KDM1B: variants seen among roughly 807,000 people sequenced by gnomAD.
KDM1B encodes the protein lysine-specific histone demethylase 2.
A neutral mutation model predicts 107.4 loss-of-function variants in KDM1B; 63 were observed. The ratio of observed to expected loss-of-function variants is 0.59; its 90% CI spans 0.48 to 0.72. The LOEUF (loss-of-function observed/expected upper bound fraction) is 0.72. Ranked by LOEUF, KDM1B falls within the 30% of genes least tolerant of loss-of-function variation. KDM1B has a pLI of 0.00. For synonymous variants in KDM1B, 363 were observed against 363.9 expected, an observed-to-expected ratio of 1.00 and a Z score of 0.03; for missense variants, 749 against 1,020.8, an observed-to-expected ratio of 0.73 and a Z score of 3.63.
intron 10 of KDM1B, among the ~76,000 whole-genome samples, chr6:18,195,188 T>C (rs1787560574): frequency 6.6e-6 from 1 of 152,246 alleles, no homozygotes; most frequent in African/African-American, 2.4e-5. Context: ...ATTCGTCCAC[T>C]GATGGGCTTT....
At position 18,212,426 on chromosome 6, in the gene KDM1B, G is replaced by C; in HGVS notation, c.1867-62G>C. 1 of 951,618 alleles carries C rather than the reference G, an allele frequency of 1.1e-6. No homozygotes were observed. The highest frequency in any genetic ancestry group is 1.7e-5 in the Admixed American group (1 of 59,208). 58.9% of individuals were successfully genotyped at this position (951,618 alleles called of 1,614,324 possible). ...ATAACAGCATGGGTTGTTGATACCA[G>C]TGTAGTGGTAGTGTGAGGTTCTGTT... On this transcript the variant is annotated intron_variant, in intron 17 of 21. Transcript: ENST00000650836. The surrounding 1 kb of genome is among the most constrained non-coding windows in gnomAD (Gnocchi z 5.2).
rs368806971 is a variant in KDM1B, at chr6:18,192,910, C to T, written c.969+1529C>T. On this transcript the variant is annotated intron_variant, in intron 10 of 21. Transcript: ENST00000650836. ...ATAAGATACAATTTATTGTGTATACCGGCTGGGCGCGGTGGCTCACGCCTG... is the reference window on the plus strand; with the variant it reads ...ATAAGATACAATTTATTGTGTATACTGGCTGGGCGCGGTGGCTCACGCCTG... Among the ~76,000 whole-genome samples the T allele has an allele frequency of 5.3e-5, 8 of 151,630 alleles. No individual in the cohort carries two copies. In the East Asian group the frequency reaches 7.7e-4, roughly 15 times the overall value.
At position 18,179,836 on chromosome 6, in the gene KDM1B, A is replaced by ACTAGATATTTTTTCTTT. The variant is rs369714077; in HGVS notation, c.535-5936_535-5935insCTAGATATTTTTTCTTT. 2.2e-4 allele frequency among the ~76,000 whole-genome samples: 18 copies of ACTAGATATTTTTTCTTT among 83,522 alleles called. 8 individuals are homozygous for ACTAGATATTTTTTCTTT. The highest frequency in any genetic ancestry group is 4.4e-4 in the Admixed American group (3 of 6,784). 54.8% of individuals were successfully genotyped at this position (83,522 alleles called of 152,430 possible). On this transcript the variant is annotated intron_variant, in intron 7 of 21. Transcript: ENST00000650836. ...CTATTCCAAAATCTTTCAATTTAGC[A>ACTAGATATTTTTTCTTT]TTGGTTTTTTTTCCTTTTTTTTTTT...
chr6:18,187,972 G>A lies in KDM1B; in HGVS notation c.754G>A (p.Glu252Lys), dbSNP rs1786988956. Residue 252 changes from glutamate (E) to lysine (K), a missense_variant, in exon 9 of 22, where the codon GAG becomes AAG. Glu to Lys is a moderately conservative substitution (Grantham distance 56). Coordinates refer to ENST00000650836, the MANE Select transcript of KDM1B (RefSeq NM_001364614.2). ...ATGNASPGKL[E>K]HSKAALSVHV... is the part of the protein sequence containing the mutation. ...TGGCAATGCCAGCCCTGGGAAGCTG[G>A]AGCACTCCAAGGCTGCCCTCTCCGT... The A allele has an allele frequency of 6.5e-7, 1 of 1,550,366 alleles. No homozygotes were observed. Among genetic ancestry groups the A allele is most frequent in the Non-Finnish European group, 8.7e-7 (1 of 1,147,000 alleles).
chr6:18,221,307 A>C (rs1789715606), intron 21 of KDM1B, among the ~76,000 whole-genome samples: 1 of 151,944 alleles, frequency 6.6e-6, no homozygotes, highest in South Asian at 2.1e-4. Context: ...ATAATTACTT[A>C]ATCACTAATT....
intron 17 of KDM1B, 21 bp downstream of exon 17, chr6:18,208,227 A>C (rs1561948982): frequency 6.4e-7 from 1 of 1,571,672 alleles, no homozygotes; most frequent in East Asian, 2.3e-5. Context: ...GGGCAGTACA[A>C]GGGTGGGTAG....
chr6:18,221,025 G>A (rs182402118), intron 21 of KDM1B, among the ~76,000 whole-genome samples: 36 of 151,552 alleles, frequency 2.4e-4, no homozygotes, highest in Admixed American at 9.2e-4. Context: ...GATTACATGC[G>A]TGAGCCACCG....
In KDM1B at chr6:18,182,290, AT is replaced by A. The variant is rs376482455; in HGVS notation, c.535-3480del. ...CATCTTATTGTTCCAGTATGAATCG[AT>A]TACTCTCCACAACCTGAACTTTTGA... On this transcript the variant is annotated intron_variant, in intron 7 of 21. Transcript: ENST00000650836. 2.5e-3 allele frequency among the ~76,000 whole-genome samples: 377 copies of A among 152,196 alleles called. 1 individual carries two copies. The highest frequency in any genetic ancestry group is 8.8e-3 in the African/African-American group (366 of 41,512).
chr6:18,157,801 G>C (rs1268754987), intron 2 of KDM1B, among the ~76,000 whole-genome samples: 1 of 142,812 alleles, frequency 7.0e-6, no homozygotes, highest in African/African-American at 2.6e-5. Context: ...ATTATAGGTA[G>C]ATAGTCCTTT....
In KDM1B at chr6:18,155,484, G is replaced by C. The variant is rs1784523971; in HGVS notation, c.-145G>C. The C allele has an allele frequency of 6.4e-6, 1 of 155,352 alleles. No individual in the cohort carries two copies. Among genetic ancestry groups the C allele is most frequent in the Non-Finnish European group, 1.4e-5 (1 of 70,296 alleles). The allele number at this position is 155,352 out of a possible 1,614,324, so 9.6% of individuals were successfully genotyped here. ...AGAAGAGGCTGGGGCTCGCGGCGCG[G>C]CTGCAGCCGTCCTGTGCGCGCGGCG... On this transcript the variant is annotated 5_prime_UTR_variant, in exon 1 of 22. Coordinates refer to ENST00000650836, the MANE Select transcript of KDM1B (RefSeq NM_001364614.2). The surrounding 1 kb of genome is among the most constrained non-coding windows in gnomAD (Gnocchi z 6.2).
chr6:18,179,181 C>G (rs1475375604), intron 7 of KDM1B, among the ~76,000 whole-genome samples: 1 of 152,148 alleles, frequency 6.6e-6, no homozygotes, highest in Non-Finnish European at 1.5e-5. Context: ...CTTCTTTAAT[C>G]AGCAAATGTA....
chr6:18,197,014 G>T lies in KDM1B; in HGVS notation c.970-43G>T. On this transcript the variant is annotated intron_variant, in intron 10 of 21. Transcript: ENST00000650836. This position sits in a 1 kb window ranked among gnomAD's most constrained non-coding sequence, Gnocchi z 4.5. Reference sequence around the variant, plus strand: ...TTCCTGCTATTGTTTGAATTTCTTGGGACTTTTTTAAAAAAGCAGTTTGGT... The same window carrying T: ...TTCCTGCTATTGTTTGAATTTCTTGTGACTTTTTTAAAAAAGCAGTTTGGT... The T allele has an allele frequency of 2.0e-6, 3 of 1,524,914 alleles. No individual in the cohort carries two copies. The highest frequency in any genetic ancestry group is 2.7e-6 in the Non-Finnish European group (3 of 1,114,228). The allele number at this position is 1,524,914 out of a possible 1,614,324, so 94.5% of individuals were successfully genotyped here. A position where few individuals can be genotyped will look rare whatever the true frequency, so the allele number is the denominator to read the frequency against.
chr6:18,210,369 T>TTTTTTTTTTTTG (rs1788776457), intron 17 of KDM1B, among the ~76,000 whole-genome samples: 1 of 103,148 alleles, frequency 9.7e-6, no homozygotes, highest in Non-Finnish European at 2.1e-5. Flanking sequence ...TTTTTTTTTT[T>TTTTTTTTTTTTG]TTTGTTTTAC....
Position 18,171,398 on chromosome 6 carries a change from G to A in KDM1B, c.453G>A (p.Arg151=). ...CAAAACCTGAGTGTAGAAAATGGAG[G>A]CAGCTTACCAAGGAAATCCAGCTTA... ...QCTKPECRKW[R]QLTKEIQLTP... is the part of the protein sequence containing the mutation. Residue 151 remains arginine, a synonymous_variant, in exon 7 of 22, where the codon AGG becomes AGA. Coordinates refer to ENST00000650836, the MANE Select transcript of KDM1B (RefSeq NM_001364614.2). The A allele has an allele frequency of 6.2e-7, 1 of 1,612,860 alleles. No individual in the cohort carries two copies. Among genetic ancestry groups the A allele is most frequent in the Non-Finnish European group, 8.5e-7 (1 of 1,178,834 alleles).
At chr6:18,170,957 A>T (rs1217284901) in intron 6 of KDM1B, among the ~76,000 whole-genome samples, 1 of 151,914 alleles carries the variant, frequency 6.6e-6, no homozygotes, top group African/African-American at 2.4e-5. Flanking sequence ...AGTAGCTGGG[A>T]CTACAGGCGC....
chr6:18,172,575 G>A lies in KDM1B; in HGVS notation c.534+1096G>A, dbSNP rs1785728155. Among the ~76,000 whole-genome samples, 2 of 152,056 alleles carry A rather than the reference G, an allele frequency of 1.3e-5. No individual in the cohort carries two copies. The highest frequency in any genetic ancestry group is 2.9e-5 in the Non-Finnish European group (2 of 68,020). On this transcript the variant is annotated intron_variant, in intron 7 of 21. Transcript: ENST00000650836. The surrounding 1 kb of genome is among the most constrained non-coding windows in gnomAD (Gnocchi z 5.2). ...GGGATGCCCAACCAGTAAGTATGTT[G>A]CAAACATTCCAAAATCCAAAACACT...
At chr6:18,184,380 T>C (rs1786694134) in intron 7 of KDM1B, among the ~76,000 whole-genome samples, 1 of 150,308 alleles carries the variant, frequency 6.7e-6, no homozygotes, top group African/African-American at 2.4e-5. Flanking sequence ...GTTCAAGTGA[T>C]TCTCCTGCCT....
chr6:18,171,416 C>G lies in KDM1B; in HGVS notation c.471C>G (p.Ile157Met), dbSNP rs1203924550. 6.2e-7 allele frequency: 1 copy of G among 1,613,366 alleles called. No individual in the cohort carries two copies. The highest frequency in any genetic ancestry group is 1.7e-5 in the Admixed American group (1 of 59,990). Residue 157 changes from isoleucine (I) to methionine (M), a missense_variant, in exon 7 of 22, where the codon ATC becomes ATG. Transcript: ENST00000650836. ...CRKWRQLTKE[I>M]QLTPQIAKTY... ...AATGGAGGCAGCTTACCAAGGAAAT[C>G]CAGCTTACTCCACAGATAGCCAAGA...
Position 18,197,320 on chromosome 6 carries a change from C to A in KDM1B, c.1146+87C>A. 1 of 1,215,168 alleles carries A rather than the reference C, an allele frequency of 8.2e-7. No homozygotes were observed. The highest frequency in any genetic ancestry group is 1.1e-6 in the Non-Finnish European group (1 of 870,684). 75.3% of individuals were successfully genotyped at this position (1,215,168 alleles called of 1,614,324 possible). A position where few individuals can be genotyped will look rare whatever the true frequency, so the allele number is the denominator to read the frequency against. On this transcript the variant is annotated intron_variant, in intron 11 of 21. Coordinates refer to ENST00000650836, the MANE Select transcript of KDM1B (RefSeq NM_001364614.2). The surrounding 1 kb of genome is among the most constrained non-coding windows in gnomAD (Gnocchi z 4.5). ...CTGTTAATAAATATAGTAAAAGCCA[C>A]ATTATCACCATAAAACTTAACAGAA...
Sources: allele counts gnomAD v4.1 joint callset (sites outside exome capture counted in the v4.1 genomes callset), GRCh38; gene constraint gnomAD v4.1.1; non-coding constraint Gnocchi (gnomAD v3.1); transcripts MANE v1.5; gene names NCBI Gene and HGNC (gene_info 2026-07-23, HGNC 2026-07-21).